The following AK4 variants were observed in gnomAD, a reference collection of about 807,000 sequenced individuals.
AK4 encodes the protein adenylate kinase 4, also known as adenylate kinase 4, mitochondrial.
In AK4, 13 loss-of-function variants were observed where a neutral mutation model predicts 24.6. That is an observed-to-expected ratio of 0.53 (90% CI 0.34 to 0.84). The LOEUF is 0.84. Ranked by LOEUF, AK4 falls within the 40% of genes least tolerant of loss-of-function variation. The probability of loss-of-function intolerance (pLI) is 0.01; values close to 1 mark genes in which losing one functional copy is unlikely to be tolerated. For missense variants in AK4, 192 were observed against 288.2 expected (o/e 0.67, Z 2.42); for synonymous variants, 88 against 107.0 (o/e 0.82, Z 1.10).
At chr1:65,204,801 A>G (rs1204778142) in intron 2 of AK4, among the ~76,000 whole-genome samples, 1 of 152,132 alleles carries the variant, frequency 6.6e-6, no homozygotes, top group Non-Finnish European at 1.5e-5. Flanking sequence ...AAAATTTATT[A>G]CAGTTTTCTT....
intron 3 of AK4, among the ~76,000 whole-genome samples, chr1:65,224,379 A>G (rs1050903364): frequency 2.9e-4 from 44 of 152,224 alleles, no homozygotes; most frequent in African/African-American, 1.0e-3. Context: ...TTAAGAACTC[A>G]GGCTTTATTT....
At chr1:65,171,667 G>C (rs1650530105) in intron 1 of AK4, among the ~76,000 whole-genome samples, 1 of 151,982 alleles carries the variant, frequency 6.6e-6, no homozygotes, top group Admixed American at 6.6e-5. Flanking sequence ...AAAATATATA[G>C]GGTTGAATAG....
chr1:65,158,099 C>G (rs1650038315), intron 1 of AK4, among the ~76,000 whole-genome samples: 1 of 152,138 alleles, frequency 6.6e-6, no homozygotes, highest in Non-Finnish European at 1.5e-5. Context: ...AAAGGGTTAT[C>G]ATGCCTGCCC....
chr1:65,219,890 C>T (rs745537620), intron 3 of AK4, among the ~76,000 whole-genome samples: 1 of 152,148 alleles, frequency 6.6e-6, no homozygotes, highest in Non-Finnish European at 1.5e-5. Context: ...CTGTGCTCTA[C>T]CTATTAATTC....
At chr1:65,182,438 T>A (rs1451973874) in intron 1 of AK4, among the ~76,000 whole-genome samples, 6 of 152,118 alleles carry the variant, frequency 3.9e-5, no homozygotes, top group Non-Finnish European at 5.9e-5. Flanking sequence ...ACTTTTCCTT[T>A]CCTGTGTCAC....
chr1:65,230,055 A>G lies in AK4; in HGVS notation c.*3878A>G, dbSNP rs1360633353. 6.6e-6 allele frequency: 1 copy of G among 152,228 alleles called. No individual in the cohort carries two copies. Among genetic ancestry groups the G allele is most frequent in the East Asian group, 1.9e-4 (1 of 5,194 alleles). 9.4% of individuals were successfully genotyped at this position (152,228 alleles called of 1,614,324 possible). ...AACATGACTCTGAATGCCAGATCCA[A>G]ACCTTTGCCCACCATCTGCTTGTCG... On this transcript the variant is annotated 3_prime_UTR_variant, in exon 5 of 5. Transcript: ENST00000327299.
At chr1:65,211,561 CA>C (rs1400791229) in intron 2 of AK4, among the ~76,000 whole-genome samples, 1 of 152,228 alleles carries the variant, frequency 6.6e-6, no homozygotes, top group African/African-American at 2.4e-5. Flanking sequence ...AGTCACTTAT[CA>C]TGTGATCTTG....
chr1:65,161,990 G>C (rs1262748037), intron 1 of AK4, among the ~76,000 whole-genome samples: 1 of 152,194 alleles, frequency 6.6e-6, no homozygotes, highest in Non-Finnish European at 1.5e-5. Flanking sequence ...GTTCACACCT[G>C]TAATCCCAGC....
In AK4 at chr1:65,228,602, T is replaced by C. The variant is rs1241991790; in HGVS notation, c.*2425T>C. ...CGTGGTCAATGGCTTTAAAAAAATC[T>C]GTTTCTTGTTTTCTTCAACAAACTC... On this transcript the variant is annotated 3_prime_UTR_variant, in exon 5 of 5. Transcript: ENST00000327299. 7.9e-5 allele frequency: 12 copies of C among 152,312 alleles called. No homozygotes were observed. The highest frequency in any genetic ancestry group is 2.9e-4 in the African/African-American group (12 of 41,550). The allele number at this position is 152,312 out of a possible 1,614,324, so 9.4% of individuals were successfully genotyped here.
chr1:65,180,117 C>G (rs1226108459), intron 1 of AK4, among the ~76,000 whole-genome samples: 1 of 152,112 alleles, frequency 6.6e-6, no homozygotes, highest in East Asian at 1.9e-4. Flanking sequence ...CAGTCTGGCT[C>G]TAAAGCGTAT....
intron 1 of AK4, among the ~76,000 whole-genome samples, chr1:65,176,861 C>T (rs1445715744): frequency 2.6e-5 from 4 of 152,146 alleles, no homozygotes; most frequent in Non-Finnish European, 5.9e-5. Context: ...GCCATTGCCT[C>T]AGTATGAAGC....
rs1015170002 is a variant in AK4, at chr1:65,181,223, AC to A, written c.146-9483del. On this transcript the variant is annotated intron_variant, in intron 1 of 4. Transcript: ENST00000327299. ...GCCTAAGAAACAGAGTGTTATCAGT[AC>A]CCCATAGCTCCTTTTTCCATCTCTC... Among the ~76,000 whole-genome samples the A allele has an allele frequency of 3.3e-5, 5 of 151,264 alleles. No individual in the cohort carries two copies. In the South Asian group the frequency reaches 6.3e-4, roughly 19 times the overall value.
chr1:65,165,905 A>G (rs1650313669), intron 1 of AK4: 1 of 152,296 alleles, frequency 6.6e-6, no homozygotes, highest in African/African-American at 2.4e-5. Flanking sequence ...TGTGCCAGGA[A>G]AGTAGTCCCA....
chr1:65,215,186 T>A (rs1652093699), intron 2 of AK4, among the ~76,000 whole-genome samples: 1 of 151,130 alleles, frequency 6.6e-6, no homozygotes, highest in African/African-American at 2.4e-5. Context: ...CTTTTTTTTT[T>A]GTTTGAGGCG....
intron 2 of AK4, among the ~76,000 whole-genome samples, chr1:65,211,704 C>T (rs990139940): frequency 1.3e-5 from 2 of 152,196 alleles, no homozygotes; most frequent in African/African-American, 4.8e-5. Flanking sequence ...TCGGCACTTA[C>T]TGTGTGCAAA....
In AK4 at chr1:65,156,548, T is replaced by C. The variant is rs142718829; in HGVS notation, c.145+7996T>C. Among the ~76,000 whole-genome samples, 28 of 152,342 alleles carry C rather than the reference T, an allele frequency of 1.8e-4. No individual in the cohort carries two copies. In the East Asian group the frequency reaches 5.2e-3, roughly 28 times the overall value. On this transcript the variant is annotated intron_variant, in intron 1 of 4. Transcript: ENST00000327299. ...TTACATTTTGGCCTCAGGTCCTTTT[T>C]AACACGTTTGAAAATTGAGAACCAA...
chr1:65,190,887 C>T (rs1651285051), intron 2 of AK4, 58 bp downstream of exon 2: 1 of 1,585,206 alleles, frequency 6.3e-7, no homozygotes, highest in African/African-American at 1.4e-5. Flanking sequence ...AGGTCTTGCA[C>T]ACTCCCTTAA....
chr1:65,187,602 A>G (rs555489778), intron 1 of AK4, among the ~76,000 whole-genome samples: 1 of 152,322 alleles, frequency 6.6e-6, no homozygotes, highest in Admixed American at 6.5e-5. Context: ...ATCACAATAA[A>G]GCTGTCATAA....
chr1:65,183,691 G>GTGTGTA (rs1553123925), intron 1 of AK4, among the ~76,000 whole-genome samples: 1 of 134,060 alleles, frequency 7.5e-6, no homozygotes, highest in African/African-American at 2.7e-5. Flanking sequence ...GTGTGTGTGT[G>GTGTGTA]TGTATGTATG....
Sources: allele counts gnomAD v4.1 joint callset (sites outside exome capture counted in the v4.1 genomes callset), GRCh38; gene constraint gnomAD v4.1.1; transcripts MANE v1.5; gene names NCBI Gene and HGNC (gene_info 2026-07-23, HGNC 2026-07-21).